The following CDH13 variants were observed in gnomAD, a reference collection of about 807,000 sequenced individuals.
The protein encoded by CDH13 is cadherin-13.
Under a neutral mutation model 63.8 loss-of-function variants are expected in CDH13, and 24 were observed. That is an observed-to-expected ratio of 0.38 (90% CI 0.27 to 0.53). The LOEUF (loss-of-function observed/expected upper bound fraction) is 0.53, where lower values mean the gene tolerates loss of function less well. Ranked by LOEUF, CDH13 falls within the 20% of genes least tolerant of loss-of-function variation. CDH13 has a pLI of 0.85. For synonymous variants in CDH13, 503 were observed against 355.3 expected (o/e 1.42, Z -4.67); for missense variants, 1,049 against 903.1 (o/e 1.16, Z -2.07).
chr16:82,933,189 G>T (rs998181884), intron 2 of CDH13, among the ~76,000 whole-genome samples: 2 of 152,106 alleles, frequency 1.3e-5, no homozygotes, highest in African/African-American at 2.4e-5. Context: ...ATAAAGAAAA[G>T]AGGTTTTAAT....
intron 2 of CDH13, among the ~76,000 whole-genome samples, chr16:82,891,531 T>C (rs1008063192): frequency 5.2e-4 from 79 of 152,320 alleles, no homozygotes; most frequent in African/African-American, 1.8e-3. Context: ...ACCTATTGAG[T>C]ACACTGCACC....
chr16:83,053,317 G>T (rs2030580479), intron 3 of CDH13, among the ~76,000 whole-genome samples: 1 of 152,044 alleles, frequency 6.6e-6, no homozygotes, highest in Non-Finnish European at 1.5e-5. Context: ...GGTGTCACTA[G>T]GACTCTGTTA....
intron 4 of CDH13, among the ~76,000 whole-genome samples, chr16:83,128,860 A>G (rs1274830537): frequency 6.6e-6 from 1 of 152,184 alleles, no homozygotes; most frequent in Middle Eastern, 3.2e-3. Flanking sequence ...CTTGTTCTCA[A>G]CTTAGATTCT....
At chr16:83,308,706 C>T (rs533729145) in intron 5 of CDH13, among the ~76,000 whole-genome samples, 2 of 152,328 alleles carry the variant, frequency 1.3e-5, no homozygotes, top group East Asian at 3.9e-4. Flanking sequence ...GCCCTTGCTT[C>T]TGGAAGGCTC....
At chr16:82,699,983 T>C (rs1403828273) in intron 1 of CDH13, among the ~76,000 whole-genome samples, 2 of 152,240 alleles carry the variant, frequency 1.3e-5, no homozygotes, top group African/African-American at 4.8e-5. Flanking sequence ...GAGAGCTTTG[T>C]TGATTTATCC....
intron 4 of CDH13, among the ~76,000 whole-genome samples, chr16:83,200,588 C>G (rs1433318683): frequency 6.6e-6 from 1 of 152,186 alleles, no homozygotes; most frequent in Admixed American, 6.5e-5. Context: ...CATTAGGAGT[C>G]ATCACCTACA....
At chr16:82,781,860 A>T (rs2035770251) in intron 1 of CDH13, among the ~76,000 whole-genome samples, 1 of 152,238 alleles carries the variant, frequency 6.6e-6, no homozygotes, top group Non-Finnish European at 1.5e-5. Context: ...TAAACCAAAA[A>T]TTACACAACA....
At chr16:83,698,613 C>G (rs544889366) in intron 10 of CDH13, among the ~76,000 whole-genome samples, 2 of 152,156 alleles carry the variant, frequency 1.3e-5, no homozygotes, top group African/African-American at 4.8e-5. Context: ...CTCACACAGG[C>G]GGTATGAGGA....
chr16:83,443,850 A>C (rs1353595089), intron 6 of CDH13, among the ~76,000 whole-genome samples: 3 of 148,080 alleles, frequency 2.0e-5, no homozygotes, highest in African/African-American at 7.5e-5. Context: ...TGGGAGGATC[A>C]TTTGAGCCCA....
At chr16:83,417,731 AT>A (rs1194206131) in intron 6 of CDH13, among the ~76,000 whole-genome samples, 1 of 152,216 alleles carries the variant, frequency 6.6e-6, no homozygotes, top group East Asian at 1.9e-4. Context: ...TAGAGATAGA[AT>A]TCAAGGCTCA....
At chr16:83,125,241 GTAATGC>G in intron 3 of CDH13, 138 bp from the exon 4 acceptor site, 2 of 591,308 alleles carry the variant, frequency 3.4e-6, no homozygotes, top group Non-Finnish European at 3.0e-6. Context: ...AATGTACTTG[GTAATGC>G]TAATAGGGTT....
intron 8 of CDH13, among the ~76,000 whole-genome samples, chr16:83,667,586 A>T (rs999478992): frequency 6.6e-6 from 1 of 152,190 alleles, no homozygotes; most frequent in East Asian, 1.9e-4. Context: ...TCACAGTGCT[A>T]GGACCCTAAA....
At chr16:83,018,578 G>A (rs553299905) in intron 2 of CDH13, among the ~76,000 whole-genome samples, 40 of 152,306 alleles carry the variant, frequency 2.6e-4, no homozygotes, top group African/African-American at 9.1e-4. Context: ...TCTTCCAAAT[G>A]GTAACCTGAA....
In CDH13 at chr16:82,640,270, G is replaced by A. The variant is rs559120740; in HGVS notation, c.45+13133G>A. 2.0e-3 allele frequency among the ~76,000 whole-genome samples: 310 copies of A among 152,286 alleles called. 1 individual carries two copies. The highest frequency in any genetic ancestry group is 6.9e-3 in the African/African-American group (287 of 41,552). On this transcript the variant is annotated intron_variant, in intron 1 of 13. Transcript: ENST00000567109. ...TAGCATAGAGATGAAATGTGCTACC[G>A]TTTGTGAAAGGAAGTTAGTAATACA...
intron 7 of CDH13, among the ~76,000 whole-genome samples, chr16:83,547,515 A>G (rs2075407542): frequency 6.6e-6 from 1 of 152,020 alleles, no homozygotes; most frequent in Non-Finnish European, 1.5e-5. Context: ...ATGCTTTCTC[A>G]TTATTTAGCT....
At chr16:82,804,849 G>A (rs1388286853) in intron 1 of CDH13, among the ~76,000 whole-genome samples, 1 of 152,188 alleles carries the variant, frequency 6.6e-6, no homozygotes, top group Non-Finnish European at 1.5e-5. Context: ...AAGAAATTTA[G>A]AGAAATAATC....
At chr16:82,876,600 C>T (rs1224511279) in intron 2 of CDH13, among the ~76,000 whole-genome samples, 1 of 152,168 alleles carries the variant, frequency 6.6e-6, no homozygotes, top group Admixed American at 6.5e-5. Context: ...GGGCCCCTAA[C>T]AAGAGGTTGG....
intron 5 of CDH13, among the ~76,000 whole-genome samples, chr16:83,336,681 G>A (rs1182503076): frequency 6.6e-6 from 1 of 152,132 alleles, no homozygotes; most frequent in African/African-American, 2.4e-5. Context: ...TGCTTTATTT[G>A]CATATTTTGC....
intron 6 of CDH13, among the ~76,000 whole-genome samples, chr16:83,448,793 T>C (rs2072789245): frequency 6.6e-6 from 1 of 151,506 alleles, no homozygotes; most frequent in East Asian, 1.9e-4. Flanking sequence ...AAAATAGAGA[T>C]TTGGGGAGGA....
Sources: gnomAD v4.1 joint callset for allele counts (sites outside exome capture counted in the v4.1 genomes callset) on GRCh38, gnomAD v4.1.1 for gene constraint, MANE v1.5 for transcripts, NCBI Gene and HGNC (gene_info 2026-07-23, HGNC 2026-07-21) for gene names.